B4GALT2: variants seen among roughly 807,000 people sequenced by gnomAD.
B4GALT2 encodes N-acetyllactosamine synthase.
Under a neutral mutation model 33.2 loss-of-function variants are expected in B4GALT2, and 18 were observed. The observed-to-expected ratio is 0.54, with a 90% confidence interval of 0.38 to 0.80. The LOEUF (loss-of-function observed/expected upper bound fraction) is 0.80. Ranked by LOEUF, B4GALT2 falls within the 30% of genes least tolerant of loss-of-function variation. The pLI is 0.00. For synonymous variants in B4GALT2, 214 were observed against 217.6 expected, an observed-to-expected ratio of 0.98 and a Z score of 0.15; for missense variants, 404 against 526.2, an observed-to-expected ratio of 0.77 and a Z score of 2.27.
rs747417660 is a variant in B4GALT2, at chr1:43,981,930, C to T, written c.549+6C>T. ...GCGTCTATGTCATCAACCAGGTGCC[C>T]ATGCGGGGGTCCATGTGCCTGTTGG... is the stretch of plus-strand genomic sequence containing the variant. On this transcript the variant is annotated splice_donor_region_variant and intron_variant, in intron 3 of 6. Coordinates refer to ENST00000372324, the MANE Select transcript of B4GALT2 (RefSeq NM_003780.5). This position sits in a 1 kb window ranked among gnomAD's most constrained non-coding sequence, Gnocchi z 8.1. 12 of 1,613,010 alleles carry T rather than the reference C, an allele frequency of 7.4e-6. No homozygotes were observed. Among genetic ancestry groups the T allele is most frequent in the Non-Finnish European group, 1.0e-5 (12 of 1,179,466 alleles).
rs958077080 is a variant in B4GALT2 at position 43,980,230 on chromosome 1, G to A, written c.-53+719G>A. On this transcript the variant is annotated intron_variant, in intron 1 of 6. Coordinates refer to ENST00000372324, the MANE Select transcript of B4GALT2 (RefSeq NM_003780.5). ...CTGCCGCTCTCTTGGAACCACAGCT[G>A]GAGCCATCGCCCAGGCAAGACCCCC... 11 of 640,070 alleles carry A rather than the reference G, an allele frequency of 1.7e-5. 1 individual carries two copies. Among genetic ancestry groups the A allele is most frequent in the South Asian group, 2.6e-5 (1 of 38,560 alleles). 39.6% of individuals were successfully genotyped at this position (640,070 alleles called of 1,614,324 possible).
intron 3 of B4GALT2, among the ~76,000 whole-genome samples, chr1:43,983,205 A>G (rs2154303246): frequency 6.6e-6 from 1 of 152,266 alleles, no homozygotes; most frequent in East Asian, 1.9e-4. Flanking sequence ...GGAGGTCTGC[A>G]GTGGAGAGAG....
chr1:43,984,248 C>T lies in B4GALT2; in HGVS notation c.550-617C>T, dbSNP rs1049924779. Among the ~76,000 whole-genome samples, 2 of 152,242 alleles carry T rather than the reference C, an allele frequency of 1.3e-5. No individual in the cohort carries two copies. Among genetic ancestry groups the T allele is most frequent in the African/African-American group, 4.8e-5 (2 of 41,464 alleles). On this transcript the variant is annotated intron_variant, in intron 3 of 6. Transcript: ENST00000372324. This position sits in a 1 kb window ranked among gnomAD's most constrained non-coding sequence, Gnocchi z 5.6. ...TGGTCTCAGAGGCTGCCCAGGCAGC[C>T]GGATGCAGCTCCAGGGAGCCTGAGG...
chr1:43,990,319 G>A lies in B4GALT2; in HGVS notation c.990G>A (p.Thr330=), dbSNP rs370888421. The A allele has an allele frequency of 3.1e-6, 5 of 1,614,186 alleles. No homozygotes were observed. The highest frequency in any genetic ancestry group is 1.3e-5 in the African/African-American group (1 of 75,048). The change falls in exon 7 of 7, where the codon ACG becomes ACA. Residue 330 remains threonine, a synonymous_variant. Transcript: ENST00000372324. ...NPQRFTKIQN[T]KLTMKRDGIG... ...CTAGGTTTACCAAGATTCAAAACAC[G>A]AAGCTGACCATGAAGCGGGACGGCA...
At chr1:43,980,962 A>G (rs2486006) in intron 1 of B4GALT2, 147 bp from the exon 2 acceptor site, 1,057,123 of 1,163,914 alleles carry the variant, frequency 0.91, 482,303 homozygotes, top group Non-Finnish European at 0.93. Context: ...TTGGAGGTAA[A>G]TTCTTGAGTC....
chr1:43,982,998 C>T lies in B4GALT2; in HGVS notation c.549+1074C>T, dbSNP rs1212158383. On this transcript the variant is annotated intron_variant, in intron 3 of 6. Coordinates refer to ENST00000372324, the MANE Select transcript of B4GALT2 (RefSeq NM_003780.5). This position sits in a 1 kb window ranked among gnomAD's most constrained non-coding sequence, Gnocchi z 4.3. Reference sequence around the variant, plus strand: ...GTAGTGGAGAGTGAGAAAAGAGCGACGTCAGGACAGCGCAAGGGTTTCCGC... The same window carrying T: ...GTAGTGGAGAGTGAGAAAAGAGCGATGTCAGGACAGCGCAAGGGTTTCCGC... Among the ~76,000 whole-genome samples the T allele has an allele frequency of 6.6e-6, 1 of 152,092 alleles. No individual in the cohort carries two copies. Among genetic ancestry groups the T allele is most frequent in the Non-Finnish European group, 1.5e-5 (1 of 68,028 alleles).
In B4GALT2 at chr1:43,982,968, C is replaced by G. The variant is rs758678684; in HGVS notation, c.549+1044C>G. Among the ~76,000 whole-genome samples the G allele has an allele frequency of 6.6e-6, 1 of 152,014 alleles. No individual in the cohort carries two copies. Among genetic ancestry groups the G allele is most frequent in the Non-Finnish European group, 1.5e-5 (1 of 68,004 alleles). On this transcript the variant is annotated intron_variant, in intron 3 of 6. Coordinates refer to ENST00000372324, the MANE Select transcript of B4GALT2 (RefSeq NM_003780.5). The surrounding 1 kb of genome is among the most constrained non-coding windows in gnomAD (Gnocchi z 4.3). ...TCGCGGGGAAGAAGTGGGGTTGTTA[C>G]GCAAGTAGTGGAGAGTGAGAAAAGA...
chr1:43,991,097 C>T lies in B4GALT2; in HGVS notation c.*649C>T, dbSNP rs924624107. The T allele has an allele frequency of 6.3e-6, 1 of 158,830 alleles. No individual in the cohort carries two copies. The highest frequency in any genetic ancestry group is 1.4e-5 in the Non-Finnish European group (1 of 71,630). 9.8% of individuals were successfully genotyped at this position (158,830 alleles called of 1,614,324 possible). ...CCCTGTCTGAGAGAGGAGGCAGGAG[C>T]CCCAGGGCCGGCTTGTGTTTGTACA... On this transcript the variant is annotated 3_prime_UTR_variant, in exon 7 of 7. Transcript: ENST00000372324.
At chr1:43,986,703 G>A (rs988202517) in intron 6 of B4GALT2, among the ~76,000 whole-genome samples, 10 of 152,346 alleles carry the variant, frequency 6.6e-5, no homozygotes, top group Non-Finnish European at 1.0e-4. Context: ...AATACCTGAT[G>A]GGAGGTTAAC....
At chr1:43,983,885 G>A (rs2085627838) in intron 3 of B4GALT2, among the ~76,000 whole-genome samples, 1 of 152,148 alleles carries the variant, frequency 6.6e-6, no homozygotes, top group African/African-American at 2.4e-5. Flanking sequence ...GTTCCCGAGG[G>A]GAGCAGCTCC....
At chr1:43,983,242 G>C (rs925130283) in intron 3 of B4GALT2, among the ~76,000 whole-genome samples, 1 of 152,178 alleles carries the variant, frequency 6.6e-6, no homozygotes, top group Non-Finnish European at 1.5e-5. Flanking sequence ...GGATGAAGAC[G>C]GTCTGGTCCC....
At chr1:43,980,589 T>G in intron 1 of B4GALT2, 2 of 996,284 alleles carry the variant, frequency 2.0e-6, no homozygotes, top group Non-Finnish European at 2.4e-6. Flanking sequence ...CTAAATGAAG[T>G]CATGAGTATA....
At position 43,981,225 on chromosome 1, in the gene B4GALT2, T is replaced by C; in HGVS notation, c.65T>C (p.Leu22Pro). The C allele has an allele frequency of 6.2e-7, 1 of 1,605,144 alleles. No individual in the cohort carries two copies. The highest frequency in any genetic ancestry group is 8.5e-7 in the Non-Finnish European group (1 of 1,179,880). The change falls in exon 2 of 7, where the codon CTG becomes CCG. Residue 22 changes from leucine (L) to proline (P), a missense_variant. Transcript: ENST00000372324. This position sits in a 1 kb window ranked among gnomAD's most constrained non-coding sequence, Gnocchi z 8.1. ...VCKAVLLLCLLHFLVAVILYF... is the reference protein window; with the variant it reads ...VCKAVLLLCLPHFLVAVILYF... ...AAGGCTGTGCTCCTTCTCTGCCTGCTGCACTTCCTCGTGGCCGTCATCCTC... is the reference window on the plus strand; with the variant it reads ...AAGGCTGTGCTCCTTCTCTGCCTGCCGCACTTCCTCGTGGCCGTCATCCTC...
At chr1:43,989,559 A>G (rs545808755) in intron 6 of B4GALT2, among the ~76,000 whole-genome samples, 1 of 152,318 alleles carries the variant, frequency 6.6e-6, no homozygotes, top group East Asian at 1.9e-4. Context: ...GTCCTGACAT[A>G]TGCATATCGA....
intron 6 of B4GALT2, chr1:43,986,341 G>A (rs2085659292): frequency 6.6e-6 from 1 of 152,280 alleles, no homozygotes; most frequent in Non-Finnish European, 1.5e-5. Flanking sequence ...AGGTCATCAA[G>A]GCAAGGTGTT....
chr1:43,990,688 TC>T lies in B4GALT2; in HGVS notation c.*245del. On this transcript the variant is annotated 3_prime_UTR_variant, in exon 7 of 7. Coordinates refer to ENST00000372324, the MANE Select transcript of B4GALT2 (RefSeq NM_003780.5). ...GAGTCAACCCTCCTTCCCGACCCCC[TC>T]CCCCTAGCCCAGCCCCAGTCACTGT... 1 of 533,538 alleles carries T rather than the reference TC, an allele frequency of 1.9e-6. No homozygotes were observed. Among genetic ancestry groups the T allele is most frequent in the Non-Finnish European group, 3.3e-6 (1 of 300,578 alleles). The allele number at this position is 533,538 out of a possible 1,614,324, so 33.1% of individuals were successfully genotyped here.
chr1:43,990,619 GGGGCC>G lies in B4GALT2; in HGVS notation c.*172_*176del. The stretch of plus-strand genomic sequence containing the variant: ...CTGGAAGTTTCAGAACCCACTTTGG[GGGGCC>G]TCCTGCCTGGGCAGGCTCTTCAAGT... On this transcript the variant is annotated 3_prime_UTR_variant, in exon 7 of 7. Coordinates refer to ENST00000372324, the MANE Select transcript of B4GALT2 (RefSeq NM_003780.5). The G allele has an allele frequency of 3.2e-6, 3 of 923,378 alleles. No individual in the cohort carries two copies. The highest frequency in any genetic ancestry group is 3.2e-6 in the Non-Finnish European group (2 of 627,814). The allele number at this position is 923,378 out of a possible 1,614,324, so 57.2% of individuals were successfully genotyped here.
At chr1:43,980,801 C>T (rs1557649640) in intron 1 of B4GALT2, among the ~76,000 whole-genome samples, 2 of 151,970 alleles carry the variant, frequency 1.3e-5, no homozygotes, top group Non-Finnish European at 2.9e-5. Flanking sequence ...CCTGGGAATG[C>T]GTGAGTGTGT....
chr1:43,981,317 GC>G lies in B4GALT2; in HGVS notation c.160del (p.Leu54SerfsTer56). ...SRFSARGPAH[A>X]LHPAASSSSS... ...CTTCAGTGCCCGAGGCCCTGCCCAT[GC>G]CCTCCACCCAGCTGCTAGCAGCAGC... On this transcript the variant is annotated frameshift_variant, in exon 2 of 7. Transcript: ENST00000372324. LOFTEE classifies it high-confidence loss of function. The surrounding 1 kb of genome is among the most constrained non-coding windows in gnomAD (Gnocchi z 8.1). 6.2e-7 allele frequency: 1 copy of G among 1,603,248 alleles called. No homozygotes were observed.
Sources: gnomAD v4.1 joint callset for allele counts (sites outside exome capture counted in the v4.1 genomes callset) on GRCh38, gnomAD v4.1.1 for gene constraint, Gnocchi (gnomAD v3.1) non-coding constraint, MANE v1.5 for transcripts, NCBI Gene and HGNC (gene_info 2026-07-23, HGNC 2026-07-21) for gene names.